The following MYO18B variants were observed in gnomAD, a reference collection of about 807,000 sequenced individuals.
MYO18B encodes myosin XVIIIB, also known as unconventional myosin-XVIIIb.
A neutral mutation model predicts 273.0 loss-of-function variants in MYO18B; 204 were observed. The observed-to-expected ratio is 0.75, with a 90% CI of 0.67 to 0.84. The LOEUF is 0.84. Among genes scored for constraint, MYO18B ranks in the 40% least tolerant of loss-of-function variants. The pLI is 0.00. For synonymous variants in MYO18B, 1,330 were observed against 1,305.7 expected (o/e 1.02, Z -0.40); for missense variants, 3,212 against 3,287.6 (o/e 0.98, Z 0.56).
chr22:25,904,412 T>C (rs1243940494), intron 31 of MYO18B, among the ~76,000 whole-genome samples: 1 of 152,160 alleles, frequency 6.6e-6, no homozygotes, highest in Non-Finnish European at 1.5e-5. Context: ...GAGATCTTAG[T>C]ATTATCCCCA....
chr22:25,812,944 C>T (rs1239463849), intron 12 of MYO18B, among the ~76,000 whole-genome samples: 2 of 151,596 alleles, frequency 1.3e-5, no homozygotes, highest in Non-Finnish European at 2.9e-5. Flanking sequence ...TTGACTCTGT[C>T]CCTCCTTCCC....
At chr22:25,855,215 C>T (rs2090531801) in intron 21 of MYO18B, among the ~76,000 whole-genome samples, 1 of 151,960 alleles carries the variant, frequency 6.6e-6, no homozygotes, top group Non-Finnish European at 1.5e-5. Context: ...GTTTTCTGTT[C>T]CTGCATTAGT....
chr22:26,040,293 T>C, the MYO18B span, among the ~76,000 whole-genome samples: 1 of 152,208 alleles, frequency 6.6e-6, no homozygotes, highest in African/African-American at 2.4e-5. Context: ...GCTCTCTATT[T>C]ACTTGGGGCT....
Position 26,017,820 on chromosome 22 carries a change from A to G in MYO18B, c.6471-8625A>G, listed in dbSNP as rs574645853. Among the ~76,000 whole-genome samples, 83 of 152,294 alleles carry G rather than the reference A, an allele frequency of 5.4e-4. No homozygotes were observed. In the Middle Eastern group the frequency reaches 0.01, roughly 19 times the overall value. The stretch of plus-strand genomic sequence containing the variant: ...TAGTTTTAAGCTGTTTTAGGTTTTC[A>G]CAAAAAGAGCAGAAAGCATAGAGAG... On this transcript the variant is annotated intron_variant, in intron 42 of 43. Coordinates refer to ENST00000335473, the MANE Select transcript of MYO18B (RefSeq NM_032608.7).
intron 34 of MYO18B, among the ~76,000 whole-genome samples, chr22:25,938,666 T>C (rs1418519773): frequency 1.3e-5 from 2 of 152,214 alleles, no homozygotes; most frequent in Admixed American, 1.3e-4. Flanking sequence ...TCCCCCTCGA[T>C]GAGTAATCGG....
chr22:25,879,773 G>T (rs927737922), intron 25 of MYO18B, among the ~76,000 whole-genome samples: 26 of 152,198 alleles, frequency 1.7e-4, no homozygotes, highest in African/African-American at 6.0e-4. Context: ...GGTTCCACAG[G>T]CTGTACAGGA....
At chr22:26,016,790 A>G (rs1471818334) in intron 42 of MYO18B, among the ~76,000 whole-genome samples, 4 of 152,146 alleles carry the variant, frequency 2.6e-5, no homozygotes, top group Non-Finnish European at 5.9e-5. Context: ...ATAGACAACC[A>G]CAGTACAGAG....
At chr22:25,930,365 A>C (rs2092481173) in intron 34 of MYO18B, among the ~76,000 whole-genome samples, 1 of 151,902 alleles carries the variant, frequency 6.6e-6, no homozygotes, top group South Asian at 2.1e-4. Context: ...ACTTAGCCAA[A>C]GTCACAAAGG....
chr22:26,010,215 A>G (rs535211889), intron 42 of MYO18B, among the ~76,000 whole-genome samples: 12 of 152,262 alleles, frequency 7.9e-5, no homozygotes, highest in African/African-American at 2.9e-4. Context: ...TCAAGCTACC[A>G]TAATTGTGCT....
intron 34 of MYO18B, among the ~76,000 whole-genome samples, chr22:25,939,851 A>C (rs776312966): frequency 2.6e-5 from 4 of 152,172 alleles, no homozygotes; most frequent in Non-Finnish European, 5.9e-5. Flanking sequence ...TTAGTACTTG[A>C]ATGACCATCA....
chr22:25,901,694 C>T (rs1048213160), intron 29 of MYO18B, among the ~76,000 whole-genome samples: 6 of 151,734 alleles, frequency 4.0e-5, no homozygotes, highest in African/African-American at 1.5e-4. Context: ...ATTCTACTTA[C>T]ATCCATTCGT....
chr22:26,056,487 T>G, the MYO18B span, among the ~76,000 whole-genome samples: 1 of 152,184 alleles, frequency 6.6e-6, no homozygotes, highest in African/African-American at 2.4e-5. Flanking sequence ...GTTGGTTTAT[T>G]TGATGGTTTC....
intron 22 of MYO18B, among the ~76,000 whole-genome samples, chr22:25,871,667 G>A (rs142242043): frequency 1.3e-5 from 2 of 152,230 alleles, no homozygotes; most frequent in East Asian, 1.9e-4. Flanking sequence ...ATTTTTCTTC[G>A]TGATTTTTCA....
chr22:25,892,634 CA>C (rs930137409), intron 27 of MYO18B: 2 of 152,212 alleles, frequency 1.3e-5, no homozygotes, highest in Non-Finnish European at 2.9e-5. Flanking sequence ...GAATGGAGAT[CA>C]GGGGTCTGTG....
intron 6 of MYO18B, among the ~76,000 whole-genome samples, chr22:25,771,398 A>G (rs571717434): frequency 6.6e-6 from 1 of 152,332 alleles, no homozygotes; most frequent in South Asian, 2.1e-4. Flanking sequence ...GCCATTAACC[A>G]TAGCATAGGT....
chr22:25,760,019 G>C (rs1480751397), intron 1 of MYO18B, among the ~76,000 whole-genome samples: 2 of 152,204 alleles, frequency 1.3e-5, no homozygotes, highest in Non-Finnish European at 2.9e-5. Flanking sequence ...GCGTGGGACA[G>C]ATTGAGAGCT....
intron 11 of MYO18B, among the ~76,000 whole-genome samples, chr22:25,786,303 A>T (rs1019535684): frequency 6.6e-6 from 1 of 152,156 alleles, no homozygotes; most frequent in Non-Finnish European, 1.5e-5. Flanking sequence ...GCACCACAAG[A>T]TAGCTGATAG....
At position 25,769,946 on chromosome 22, in the gene MYO18B, G is replaced by A. The variant is rs56044507; in HGVS notation, c.1513-164G>A. 1.6e-4 allele frequency: 108 copies of A among 670,236 alleles called. No individual in the cohort carries two copies. In the East Asian group the frequency reaches 2.7e-3, roughly 17 times the overall value. The allele number at this position is 670,236 out of a possible 1,614,324, so 41.5% of individuals were successfully genotyped here. On this transcript the variant is annotated intron_variant, in intron 4 of 43. Transcript: ENST00000335473. The stretch of plus-strand genomic sequence containing the variant: ...GATCTCGGCTCCACCTCCCGGGTCC[G>A]CAACGGGAATCTGCATTTAAATAAG...
chr22:25,768,994 C>T lies in MYO18B; in HGVS notation c.1078C>T (p.Gln360Ter), dbSNP rs891649046. The change falls in exon 4 of 44, where the codon CAA (glutamine) becomes TAA (stop). Residue 360 changes from glutamine to a stop codon, truncating the protein, a stop_gained. Coordinates refer to ENST00000335473, the MANE Select transcript of MYO18B (RefSeq NM_032608.7). LOFTEE classifies it high-confidence loss of function. The stretch of plus-strand genomic sequence containing the variant: ...TCAGACCCAGATGGAGAAGACAAGC[C>T]AAGTGCAGGGCGAGTTGGGGGACGA... ...EPQTQMEKTS[Q>*]VQGELGDDLR... 6.2e-7 allele frequency: 1 copy of T among 1,611,174 alleles called. No individual in the cohort carries two copies. The highest frequency in any genetic ancestry group is 1.3e-5 in the African/African-American group (1 of 74,864).
Sources: allele counts gnomAD v4.1 joint callset (sites outside exome capture counted in the v4.1 genomes callset), GRCh38; gene constraint gnomAD v4.1.1; transcripts MANE v1.5; gene names NCBI Gene and HGNC (gene_info 2026-07-23, HGNC 2026-07-21).